Variants in RYK observed in about 807,000 individuals in gnomAD.
The protein encoded by RYK is inactive tyrosine-protein kinase RYK.
RYK carries 21 observed loss-of-function variants against 70.2 expected under a neutral mutation model. The ratio of observed to expected loss-of-function variants is 0.30; its 90% CI spans 0.21 to 0.43. RYK has a LOEUF of 0.43. Among genes scored for constraint, RYK ranks in the 20% least tolerant of loss-of-function variants. RYK has a pLI of 1.00. For missense variants in RYK, 604 were observed against 753.3 expected, an observed-to-expected ratio of 0.80 and a Z score of 2.32; for synonymous variants, 267 against 278.0, an observed-to-expected ratio of 0.96 and a Z score of 0.39.
At chr3:134,222,868 C>G (rs1462723513) in intron 1 of RYK, among the ~76,000 whole-genome samples, 2 of 152,160 alleles carry the variant, frequency 1.3e-5, no homozygotes, top group Admixed American at 6.5e-5. Context: ...CTTAGAGGAA[C>G]AGCTACAAAG....
In RYK at chr3:134,209,678, G is replaced by T; in HGVS notation, c.589+17C>A. On this transcript the variant is annotated intron_variant, in intron 4 of 14. Transcript: ENST00000623711. The stretch of plus-strand genomic sequence containing the variant: ...TCACATACATGTAAAACATATTTTG[G>T]TAAATAAATTCCTTACTTTTGTAGC... 1.4e-6 allele frequency: 2 copies of T among 1,417,642 alleles called. No individual in the cohort carries two copies. Among genetic ancestry groups the T allele is most frequent in the Non-Finnish European group, 1.9e-6 (2 of 1,070,856 alleles). The allele number at this position is 1,417,642 out of a possible 1,614,324, so 87.8% of individuals were successfully genotyped here.
At chr3:134,196,520 A>G (rs2013815128) in intron 6 of RYK, among the ~76,000 whole-genome samples, 1 of 151,096 alleles carries the variant, frequency 6.6e-6, no homozygotes, top group South Asian at 2.1e-4. Flanking sequence ...TAGGCAGATC[A>G]CTTTAGTCCA....
chr3:134,195,138 G>A lies in RYK; in HGVS notation c.833C>T (p.Thr278Ile). The A allele has an allele frequency of 6.2e-7, 1 of 1,613,580 alleles. No individual in the cohort carries two copies. The highest frequency in any genetic ancestry group is 8.5e-7 in the Non-Finnish European group (1 of 1,179,626). Residue 278 changes from threonine (T) to isoleucine (I), a missense_variant, in exon 7 of 15, where the codon ACC (threonine) becomes ATC (isoleucine). Around this residue, in one of 2 missense-constraint regions of RYK, gnomAD observed 466 missense variants for 535.9 expected, o/e 0.87. Transcript: ENST00000623711. ...SSSQGLSQPS[T>I]QTTQYLRADT... ...TGCTCTCAGATACTGAGTCGTCTGG[G>A]TGGATGGCTGAGACAGCCCTTGGGA...
chr3:134,242,313 A>T (rs888789403), intron 1 of RYK, among the ~76,000 whole-genome samples: 2 of 152,120 alleles, frequency 1.3e-5, no homozygotes, highest in African/African-American at 4.8e-5. Context: ...CTCAAAAAAA[A>T]AAAAAAGATA....
At chr3:134,200,542 G>A (rs1333524423) in intron 6 of RYK, among the ~76,000 whole-genome samples, 1 of 152,166 alleles carries the variant, frequency 6.6e-6, no homozygotes, top group Non-Finnish European at 1.5e-5. Context: ...CCCACCAGAA[G>A]GAACCAATTC....
At chr3:134,164,717 G>A (rs757076348) in intron 13 of RYK, among the ~76,000 whole-genome samples, 1 of 152,234 alleles carries the variant, frequency 6.6e-6, no homozygotes, top group African/African-American at 2.4e-5. Context: ...GAACATCTGC[G>A]TAGTGTTGGT....
intron 1 of RYK, among the ~76,000 whole-genome samples, chr3:134,230,656 G>C (rs1011753968): frequency 6.6e-6 from 1 of 152,200 alleles, no homozygotes; most frequent in African/African-American, 2.4e-5. Context: ...GGTGACCCTG[G>C]AAAGGGGAGT....
intron 13 of RYK, among the ~76,000 whole-genome samples, chr3:134,167,613 A>T (rs1214095207): frequency 1.3e-5 from 2 of 152,240 alleles, no homozygotes; most frequent in African/African-American, 4.8e-5. Context: ...CACCTTATAC[A>T]AACATTAATT....
intron 1 of RYK, among the ~76,000 whole-genome samples, chr3:134,240,217 T>C (rs1221587150): frequency 2.6e-5 from 4 of 152,316 alleles, no homozygotes; most frequent in Non-Finnish European, 5.9e-5. Flanking sequence ...TATGAAATTA[T>C]GTCTAGATTT....
intron 13 of RYK, among the ~76,000 whole-genome samples, chr3:134,169,219 T>G (rs1473827569): frequency 6.6e-6 from 1 of 152,172 alleles, no homozygotes; most frequent in Admixed American, 6.5e-5. Context: ...AAACACAATG[T>G]AATACTATAA....
intron 1 of RYK, among the ~76,000 whole-genome samples, chr3:134,247,353 T>G (rs2015492342): frequency 6.6e-6 from 1 of 152,164 alleles, no homozygotes; most frequent in Non-Finnish European, 1.5e-5. Flanking sequence ...TAGCTACCCC[T>G]GGAAAGTAGA....
intron 1 of RYK, among the ~76,000 whole-genome samples, chr3:134,226,675 T>G (rs1243224701): frequency 1.3e-5 from 2 of 152,140 alleles, no homozygotes; most frequent in Non-Finnish European, 2.9e-5. Flanking sequence ...GGTTAACCTT[T>G]TAAAAATCAG....
intron 2 of RYK, among the ~76,000 whole-genome samples, chr3:134,216,511 G>A (rs936619387): frequency 1.3e-5 from 2 of 151,992 alleles, no homozygotes; most frequent in African/African-American, 2.4e-5. Context: ...AGCTACTGAC[G>A]GCCAGGCGCG....
At chr3:134,240,331 G>A (rs926729822) in intron 1 of RYK, among the ~76,000 whole-genome samples, 3 of 152,146 alleles carry the variant, frequency 2.0e-5, no homozygotes, top group Non-Finnish European at 4.4e-5. Flanking sequence ...GTTGAGAACT[G>A]CTGAAGCTGG....
intron 11 of RYK, 102 bp from the exon 12 acceptor site, chr3:134,176,141 C>T: frequency 1.4e-6 from 1 of 715,580 alleles, no homozygotes; most frequent in Admixed American, 2.6e-5. Context: ...AAAAATACTG[C>T]TTTAAACCTA....
chr3:134,237,201 G>A (rs186947852), intron 1 of RYK, among the ~76,000 whole-genome samples: 1 of 152,262 alleles, frequency 6.6e-6, no homozygotes, highest in Admixed American at 6.5e-5. Flanking sequence ...TAATTCAACA[G>A]TTCAAAAATT....
intron 2 of RYK, among the ~76,000 whole-genome samples, chr3:134,220,788 G>C (rs2014711076): frequency 6.6e-6 from 1 of 152,032 alleles, no homozygotes; most frequent in Non-Finnish European, 1.5e-5. Context: ...AGCAAAGGTA[G>C]AAACATCAAT....
At chr3:134,227,063 T>C (rs1238532751) in intron 1 of RYK, among the ~76,000 whole-genome samples, 1 of 152,152 alleles carries the variant, frequency 6.6e-6, no homozygotes, top group Non-Finnish European at 1.5e-5. Context: ...AAAATACTAC[T>C]AAAACCAACT....
chr3:134,240,625 G>C (rs2015300243), intron 1 of RYK, among the ~76,000 whole-genome samples: 1 of 152,168 alleles, frequency 6.6e-6, no homozygotes, highest in Non-Finnish European at 1.5e-5. Flanking sequence ...TAGGAGGTCA[G>C]ATCTTAGGAT....
Sources: allele counts gnomAD v4.1 joint callset (sites outside exome capture counted in the v4.1 genomes callset), GRCh38; gene constraint gnomAD v4.1.1; regional missense constraint gnomAD v4.1.1; transcripts MANE v1.5; gene names NCBI Gene and HGNC (gene_info 2026-07-23, HGNC 2026-07-21).